The following PRRC1 variants were observed in gnomAD, a reference collection of about 807,000 sequenced individuals.
PRRC1 encodes the protein proline rich coiled-coil 1.
PRRC1 carries 39 observed loss-of-function variants against 40.7 expected under a neutral mutation model. The observed-to-expected ratio is 0.96, with a 90% CI of 0.74 to 1.25. The LOEUF (loss-of-function observed/expected upper bound fraction) is 1.25. PRRC1 is among the 50% of genes most tolerant of loss of function. The pLI is 0.00. For synonymous variants in PRRC1, 175 were observed against 193.3 expected, an observed-to-expected ratio of 0.91 and a Z score of 0.79; for missense variants, 573 against 548.3, an observed-to-expected ratio of 1.05 and a Z score of -0.45.
intron 3 of PRRC1, 52 bp downstream of exon 3, chr5:127,524,972 C>A (rs1767580500): frequency 6.8e-7 from 1 of 1,467,764 alleles, no homozygotes; most frequent in South Asian, 1.4e-5. Context: ...ATGTTTTATT[C>A]TTTTTTAAAA....
Position 127,524,534 on chromosome 5 carries a change from C to T in PRRC1, c.107C>T (p.Ala36Val). 4 of 1,588,778 alleles carry T rather than the reference C, an allele frequency of 2.5e-6. No homozygotes were observed. The highest frequency in any genetic ancestry group is 2.6e-6 in the Non-Finnish European group (3 of 1,165,820). ...AMSSTPVPLA[A>V]TSSFSSPNVS... ...TATCCTCTCCACTTTTTTCTAGCGGCAACCAGTTCTTTTTCTTCTCCAAAT... is the reference window on the plus strand; with the variant it reads ...TATCCTCTCCACTTTTTTCTAGCGGTAACCAGTTCTTTTTCTTCTCCAAAT... The change falls in exon 3 of 9, where the codon GCA (alanine) becomes GTA (valine). Residue 36 changes from alanine (A) to valine (V), a missense_variant. Coordinates refer to ENST00000296666, the MANE Select transcript of PRRC1 (RefSeq NM_130809.5).
chr5:127,548,252 C>G (rs1036514473), intron 8 of PRRC1: 3 of 485,894 alleles, frequency 6.2e-6, no homozygotes, highest in Non-Finnish European at 1.1e-5. Context: ...TTTGCTTTCC[C>G]TTTTATCTCA....
chr5:127,523,025 G>A lies in PRRC1; in HGVS notation c.-20-435G>A, dbSNP rs183814535. On this transcript the variant is annotated intron_variant, in intron 1 of 8. Transcript: ENST00000296666. The stretch of plus-strand genomic sequence containing the variant: ...AATGAGATCTTGCTATGTTGCCCAG[G>A]CTTGTCTACAACTCCTAGCCTCAAA... Among the ~76,000 whole-genome samples the A allele has an allele frequency of 4.6e-5, 7 of 151,946 alleles. No individual in the cohort carries two copies. In the East Asian group the frequency reaches 1.4e-3, roughly 29 times the overall value.
intron 5 of PRRC1, among the ~76,000 whole-genome samples, chr5:127,530,627 A>C (rs1303791827): frequency 6.6e-6 from 1 of 152,198 alleles, no homozygotes; most frequent in Non-Finnish European, 1.5e-5. Context: ...TCCTAGAAGG[A>C]GTAAAAACCA....
rs1768425943 is a variant in PRRC1 at position 127,552,734 on chromosome 5, T to C, written c.*818T>C. ...AAGAATAAGCTCTGACAACAGCCAT[T>C]GTTTCTGCTTCCACTCATATTCTCT... On this transcript the variant is annotated 3_prime_UTR_variant, in exon 9 of 9. Transcript: ENST00000296666. 2.0e-6 allele frequency: 2 copies of C among 984,246 alleles called. No homozygotes were observed. Among genetic ancestry groups the C allele is most frequent in the Non-Finnish European group, 2.4e-6 (2 of 828,422 alleles). The allele number at this position is 984,246 out of a possible 1,614,324, so 61.0% of individuals were successfully genotyped here. A position where few individuals can be genotyped will look rare whatever the true frequency, so the allele number is the denominator to read the frequency against.
intron 5 of PRRC1, among the ~76,000 whole-genome samples, chr5:127,531,722 A>T (rs1232441498): frequency 1.4e-5 from 2 of 143,626 alleles, no homozygotes; most frequent in African/African-American, 5.2e-5. Flanking sequence ...TCCTGGGTTC[A>T]AGTTATTCTT....
chr5:127,546,469 C>T (rs755791449), intron 7 of PRRC1, among the ~76,000 whole-genome samples: 3 of 152,132 alleles, frequency 2.0e-5, no homozygotes, highest in Non-Finnish European at 4.4e-5. Flanking sequence ...TCTTTGAAAA[C>T]CATTGTTTAG....
chr5:127,519,876 C>G (rs1408469247), intron 1 of PRRC1, among the ~76,000 whole-genome samples: 1 of 152,186 alleles, frequency 6.6e-6, no homozygotes, highest in African/African-American at 2.4e-5. Context: ...CCGACTCCCC[C>G]AGAAAGAACA....
chr5:127,523,711 A>G, intron 2 of PRRC1, 129 bp downstream of exon 2: 1 of 485,456 alleles, frequency 2.1e-6, no homozygotes, highest in Non-Finnish European at 3.6e-6. Context: ...ATGAAAGGAA[A>G]TAGCCTTTTT....
chr5:127,537,135 TGTTTTATATA>T (rs575782822), intron 6 of PRRC1, among the ~76,000 whole-genome samples: 142 of 152,008 alleles, frequency 9.3e-4, no homozygotes, highest in Middle Eastern at 3.4e-3. Context: ...TTATGACTAC[TGTTTTATATA>T]GTTTTATATT....
At chr5:127,541,067 A>G (rs929459782) in intron 7 of PRRC1, among the ~76,000 whole-genome samples, 2 of 152,052 alleles carry the variant, frequency 1.3e-5, no homozygotes, top group African/African-American at 2.4e-5. Flanking sequence ...AATTTATTGA[A>G]AGTTTTTAGC....
At chr5:127,526,552 A>C (rs1394376611) in intron 3 of PRRC1, 66 bp from the exon 4 acceptor site, 2 of 1,290,546 alleles carry the variant, frequency 1.5e-6, no homozygotes, top group Non-Finnish European at 2.1e-6. Flanking sequence ...TGTTTGAGCC[A>C]CTCCTTTTTA....
chr5:127,547,938 G>C lies in PRRC1; in HGVS notation c.1128+17G>C. The C allele has an allele frequency of 6.6e-7, 1 of 1,512,274 alleles. No homozygotes were observed. The highest frequency in any genetic ancestry group is 9.2e-7 in the Non-Finnish European group (1 of 1,087,170). 93.7% of individuals were successfully genotyped at this position (1,512,274 alleles called of 1,614,324 possible). ...GTACAGCAGGTTGGTTTTCTCCTTT[G>C]CTTTTTCATTATGCTCCAGAGAAAC... On this transcript the variant is annotated intron_variant, in intron 8 of 8. Coordinates refer to ENST00000296666, the MANE Select transcript of PRRC1 (RefSeq NM_130809.5).
chr5:127,548,931 A>AT (rs1424868332), intron 8 of PRRC1: 2 of 152,160 alleles, frequency 1.3e-5, no homozygotes, highest in South Asian at 4.1e-4. Flanking sequence ...TATGAAGGTG[A>AT]TTAAAAGACT....
intron 7 of PRRC1, among the ~76,000 whole-genome samples, chr5:127,544,986 A>C (rs1768173208): frequency 6.6e-6 from 1 of 152,178 alleles, no homozygotes; most frequent in African/African-American, 2.4e-5. Flanking sequence ...TCACGCTGGG[A>C]GCTGTAGACA....
intron 8 of PRRC1, chr5:127,551,497 GA>G: frequency 3.6e-6 from 2 of 550,076 alleles, no homozygotes; most frequent in South Asian, 2.4e-5. Flanking sequence ...CGTTAATGGG[GA>G]TATTTTTTAA....
intron 7 of PRRC1, among the ~76,000 whole-genome samples, chr5:127,542,805 T>C (rs1421499939): frequency 6.6e-6 from 1 of 151,246 alleles, no homozygotes; most frequent in Non-Finnish European, 1.5e-5. Context: ...TACAGCACAC[T>C]GATGGGTCTT....
intron 7 of PRRC1, among the ~76,000 whole-genome samples, chr5:127,543,181 A>T (rs995341426): frequency 2.6e-5 from 4 of 152,128 alleles, no homozygotes; most frequent in African/African-American, 9.7e-5. Flanking sequence ...TCTTTTCTTT[A>T]AGAATGTTGA....
intron 5 of PRRC1, among the ~76,000 whole-genome samples, chr5:127,532,086 C>A (rs1300789767): frequency 1.3e-5 from 2 of 151,432 alleles, no homozygotes; most frequent in African/African-American, 4.8e-5. Context: ...CAAAACAACT[C>A]AAAGTAAATC....
Sources: gnomAD v4.1 joint callset for allele counts (sites outside exome capture counted in the v4.1 genomes callset) on GRCh38, gnomAD v4.1.1 for gene constraint, MANE v1.5 for transcripts, NCBI Gene and HGNC (gene_info 2026-07-23, HGNC 2026-07-21) for gene names.